The following ARHGEF3 variants were observed in gnomAD, a reference collection of about 807,000 sequenced individuals.
ARHGEF3 encodes Rho guanine nucleotide exchange factor 3, also known as 59.8 kDA protein.
Under a neutral mutation model 63.2 loss-of-function variants are expected in ARHGEF3, and 28 were observed. The observed-to-expected ratio is 0.44, with a 90% confidence interval of 0.33 to 0.61. ARHGEF3 has a LOEUF of 0.61. Among genes scored for constraint, ARHGEF3 ranks in the 20% least tolerant of loss-of-function variants. The pLI is 0.03. For missense variants in ARHGEF3, 533 were observed against 659.3 expected, an observed-to-expected ratio of 0.81 and a Z score of 2.10; for synonymous variants, 266 against 254.2, an observed-to-expected ratio of 1.05 and a Z score of -0.44.
At chr3:56,868,287 C>T (rs138056625) in intron 4 of ARHGEF3, among the ~76,000 whole-genome samples, 2 of 152,206 alleles carry the variant, frequency 1.3e-5, no homozygotes, top group Non-Finnish European at 2.9e-5. Context: ...AAGTGAAGCA[C>T]CTTCCCGACT....
At chr3:56,886,874 A>C (rs2040942973) in intron 3 of ARHGEF3, among the ~76,000 whole-genome samples, 3 of 152,202 alleles carry the variant, frequency 2.0e-5, no homozygotes, top group Admixed American at 2.0e-4. Context: ...GCCTGGATTC[A>C]AATCCAGGTC....
At chr3:56,881,862 A>G (rs377376245) in intron 4 of ARHGEF3, among the ~76,000 whole-genome samples, 3 of 152,386 alleles carry the variant, frequency 2.0e-5, no homozygotes, top group East Asian at 3.9e-4. Context: ...CTGCTGATCC[A>G]AAGCCACTCA....
intron 3 of ARHGEF3, among the ~76,000 whole-genome samples, chr3:56,883,852 C>T (rs538415169): frequency 6.6e-6 from 1 of 152,186 alleles, no homozygotes; most frequent in Non-Finnish European, 1.5e-5. Context: ...TCAGCCTCCT[C>T]CTCTAGTGGA....
In ARHGEF3 at chr3:56,775,768, C is replaced by A. The variant is rs76655768; in HGVS notation, c.97-1952G>T. On this transcript the variant is annotated intron_variant, in intron 1 of 9. Transcript: ENST00000296315. ...TTTTACGTCAGAGCTGCACCACTAG[C>A]GTACTGAATACACACACACACACAC... 7.5e-3 allele frequency: 4,999 copies of A among 665,020 alleles called. 58 individuals carry two copies. The East Asian group carries it at 0.093, about 12-fold the overall frequency. The allele number at this position is 665,020 out of a possible 1,614,324, so 41.2% of individuals were successfully genotyped here. A position where few individuals can be genotyped will look rare whatever the true frequency, so the allele number is the denominator to read the frequency against.
intron 2 of ARHGEF3, among the ~76,000 whole-genome samples, chr3:56,769,311 G>A (rs777404592): frequency 2.1e-4 from 32 of 152,220 alleles, no homozygotes; most frequent in Non-Finnish European, 8.8e-5. Flanking sequence ...CTCCACACCA[G>A]AGGAGCGCAT....
intron 3 of ARHGEF3, among the ~76,000 whole-genome samples, chr3:56,955,113 G>A (rs1016195196): frequency 6.6e-6 from 1 of 150,780 alleles, no homozygotes; most frequent in African/African-American, 2.4e-5. Context: ...CCATCACCTC[G>A]TCCCCCACCC....
At chr3:56,834,763 A>AG (rs1181743250) in intron 4 of ARHGEF3, among the ~76,000 whole-genome samples, 6 of 151,968 alleles carry the variant, frequency 3.9e-5, no homozygotes, top group African/African-American at 1.4e-4. Flanking sequence ...AAAAAAAAAA[A>AG]AAGAATAACA....
At chr3:57,073,850 A>G (rs764453146) in intron 1 of ARHGEF3, 10 of 1,614,224 alleles carry the variant, frequency 6.2e-6, no homozygotes, top group Non-Finnish European at 8.5e-6. Context: ...GTGCACTGGC[A>G]TCATGCCAGG....
At chr3:57,057,342 C>T (rs1298209630) in intron 1 of ARHGEF3, among the ~76,000 whole-genome samples, 1 of 152,112 alleles carries the variant, frequency 6.6e-6, no homozygotes, top group Non-Finnish European at 1.5e-5. Flanking sequence ...AACTCCTGAC[C>T]TCAAGTGATC....
intron 3 of ARHGEF3, among the ~76,000 whole-genome samples, chr3:56,939,595 G>T (rs1193528046): frequency 6.6e-6 from 1 of 152,088 alleles, no homozygotes; most frequent in Non-Finnish European, 1.5e-5. Context: ...CTATTATTTT[G>T]ATTCATCCCG....
intron 4 of ARHGEF3, among the ~76,000 whole-genome samples, chr3:56,866,816 T>A (rs760665883): frequency 5.3e-5 from 8 of 152,228 alleles, no homozygotes; most frequent in Non-Finnish European, 1.2e-4. Flanking sequence ...TGGAAAGGAA[T>A]TGAGACTGCA....
chr3:56,741,374 G>A (rs1196397406), intron 7 of ARHGEF3, among the ~76,000 whole-genome samples: 1 of 150,850 alleles, frequency 6.6e-6, no homozygotes, highest in Non-Finnish European at 1.5e-5. Context: ...TAGTAGAGAT[G>A]GGATTTTCCA....
intron 2 of ARHGEF3, among the ~76,000 whole-genome samples, chr3:57,018,699 C>T (rs111817575): frequency 6.6e-6 from 1 of 152,212 alleles, no homozygotes; most frequent in East Asian, 1.9e-4. Context: ...ACCTTCCCCA[C>T]ACCAAAAAAG....
intron 1 of ARHGEF3, among the ~76,000 whole-genome samples, chr3:57,055,145 T>C (rs974828902): frequency 6.6e-6 from 1 of 151,110 alleles, no homozygotes; most frequent in South Asian, 2.1e-4. Flanking sequence ...ATATGATTTA[T>C]AAGCTTTTCT....
At chr3:57,076,029 G>A (rs143045450) in intron 1 of ARHGEF3, among the ~76,000 whole-genome samples, 4,436 of 152,222 alleles carry the variant, frequency 0.029, 99 homozygotes, top group Non-Finnish European at 0.042. Context: ...CTGTGCAAGC[G>A]AAGTGATATG....
At chr3:56,916,763 TAGG>T (rs2042001711) in intron 3 of ARHGEF3, among the ~76,000 whole-genome samples, 1 of 152,088 alleles carries the variant, frequency 6.6e-6, no homozygotes, top group Non-Finnish European at 1.5e-5. Flanking sequence ...AAAGCATCAC[TAGG>T]AGAAGGGACA....
Position 56,732,324 on chromosome 3 carries a change from AC to A in ARHGEF3, c.1141del (p.Val381Ter). 6.2e-7 allele frequency: 1 copy of A among 1,614,176 alleles called. No homozygotes were observed. Among genetic ancestry groups the A allele is most frequent in the Non-Finnish European group, 8.5e-7 (1 of 1,180,026 alleles). ...GAGGTCTTCCAGCAGGAGGTCTTTC[AC>A]GGGGATTGGCTGACGGTACAGCTGG... Reference protein sequence around the residue: ...CYQLYRQPIPVKDLLLEDLQD... With the variant: ...CYQLYRQPIPXKDLLLEDLQD... On this transcript the variant is annotated frameshift_variant, in exon 9 of 10. Coordinates refer to ENST00000296315, the MANE Select transcript of ARHGEF3 (RefSeq NM_019555.3). LOFTEE classifies it high-confidence loss of function.
chr3:56,747,064 C>CAGAGAG (rs5849167), intron 6 of ARHGEF3, among the ~76,000 whole-genome samples: 457 of 148,266 alleles, frequency 3.1e-3, no homozygotes, highest in African/African-American at 9.3e-3. Context: ...CACACACACA[C>CAGAGAG]AGAGAGAGAG....
intron 7 of ARHGEF3, 122 bp from the exon 8 acceptor site, chr3:56,737,477 T>C: frequency 1.4e-6 from 1 of 693,264 alleles, no homozygotes. Flanking sequence ...TTATCTAAGT[T>C]GCTACTTTGG....
Sources: gnomAD v4.1 joint callset for allele counts (sites outside exome capture counted in the v4.1 genomes callset) on GRCh38, gnomAD v4.1.1 for gene constraint, MANE v1.5 for transcripts, NCBI Gene and HGNC (gene_info 2026-07-23, HGNC 2026-07-21) for gene names.